PECAM1: variants seen among roughly 807,000 people sequenced by gnomAD.
PECAM1 encodes platelet and endothelial cell adhesion molecule 1, also known as platelet endothelial cell adhesion molecule.
A neutral mutation model predicts 13.8 loss-of-function variants in PECAM1; 8 were observed. The ratio of observed to expected loss-of-function variants is 0.58; its 90% CI spans 0.34 to 1.05. The LOEUF (loss-of-function observed/expected upper bound fraction) is 1.05. PECAM1 is among the 50% of genes least tolerant of loss of function. PECAM1 has a pLI of 0.03. For missense variants in PECAM1, 304 were observed against 141.2 expected (o/e 2.15, Z -5.84); for synonymous variants, 136 against 52.6 (o/e 2.58, Z -6.86).
rs1261946737 is a variant in PECAM1 at position 64,360,855 on chromosome 17, AG to A, written c.1217-441del. ...GTGTGTGTGTGTGTGTATTTGAGAC[AG>A]GGTCTCACTCTATTACCCAGGCTGG... is the stretch of plus-strand genomic sequence containing the variant. On this transcript the variant is annotated intron_variant, in intron 6 of 15. Transcript: ENST00000563924. 3.0e-5 allele frequency among the ~76,000 whole-genome samples: 4 copies of A among 132,438 alleles called. No homozygotes were observed. The East Asian group carries it at 9.8e-4, about 33-fold the overall frequency. The allele number at this position is 132,438 out of a possible 152,430, so 86.9% of individuals were successfully genotyped here. A position where few individuals can be genotyped will look rare whatever the true frequency, so the allele number is the denominator to read the frequency against.
chr17:64,322,348 T>C lies in PECAM1; in HGVS notation c.*1468A>G. ...TTGCAGTGAGCAGAGGTTGCGCCGC[T>C]GCAGTCCAGCCCGGGCAACAAGAGC... On this transcript the variant is annotated 3_prime_UTR_variant, in exon 16 of 16. Transcript: ENST00000563924. The C allele has an allele frequency of 1.1e-6, 1 of 903,838 alleles. No individual in the cohort carries two copies. The highest frequency in any genetic ancestry group is 1.3e-6 in the Non-Finnish European group (1 of 754,896). 56.0% of individuals were successfully genotyped at this position (903,838 alleles called of 1,614,324 possible). A position where few individuals can be genotyped will look rare whatever the true frequency, so the allele number is the denominator to read the frequency against.
intron 14 of PECAM1, among the ~76,000 whole-genome samples, chr17:64,332,925 G>A (rs979165917): frequency 1.3e-5 from 2 of 152,162 alleles, no homozygotes; most frequent in African/African-American, 2.4e-5. Flanking sequence ...GACCAAGGCC[G>A]GTGGATCACT....
chr17:64,359,463 G>C (rs1194440436), intron 7 of PECAM1, among the ~76,000 whole-genome samples: 4 of 152,222 alleles, frequency 2.6e-5, no homozygotes, highest in South Asian at 4.2e-4. Context: ...CACAAGGCAG[G>C]GTTGCCCGGC....
chr17:64,371,400 G>A (rs1370220654), intron 4 of PECAM1, among the ~76,000 whole-genome samples: 4 of 152,094 alleles, frequency 2.6e-5, no homozygotes, highest in Non-Finnish European at 4.4e-5. Flanking sequence ...AGCTAGGGGC[G>A]GTGGCTCACG....
At position 64,321,434 on chromosome 17, in the gene PECAM1, A is replaced by C. The variant is rs2034809340; in HGVS notation, c.*2382T>G. On this transcript the variant is annotated 3_prime_UTR_variant, in exon 16 of 16. Transcript: ENST00000563924. ...CATGAAGTTTCCTCCTCGGAAATAT[A>C]GGCAGAAGGGAAAGTAATTTTAAAC... 1.0e-6 allele frequency: 1 copy of C among 986,738 alleles called. No homozygotes were observed. Among genetic ancestry groups the C allele is most frequent in the East Asian group, 1.1e-4 (1 of 8,836 alleles). 61.1% of individuals were successfully genotyped at this position (986,738 alleles called of 1,614,324 possible). A position where few individuals can be genotyped will look rare whatever the true frequency, so the allele number is the denominator to read the frequency against.
At chr17:64,357,890 C>T (rs1315954993) in intron 7 of PECAM1, among the ~76,000 whole-genome samples, 1 of 152,180 alleles carries the variant, frequency 6.6e-6, no homozygotes, top group African/African-American at 2.4e-5. Context: ...CATGCCTGCT[C>T]CCTGACCCAG....
chr17:64,375,446 C>A, intron 3 of PECAM1, 90 bp from the exon 4 acceptor site: 1 of 399,186 alleles, frequency 2.5e-6, no homozygotes, highest in South Asian at 1.3e-4. Flanking sequence ...AAGCCTCCCT[C>A]CGCTGAGTGA....
At position 64,319,921 on chromosome 17, in the gene PECAM1, A is replaced by G. The variant is rs1470241209; in HGVS notation, c.*3895T>C. Reference sequence around the variant, plus strand: ...ATTATTTTACAGAGACAGTTTAACAACCACCTGACCATCACCTGATGGTAG... The same window carrying G: ...ATTATTTTACAGAGACAGTTTAACAGCCACCTGACCATCACCTGATGGTAG... On this transcript the variant is annotated 3_prime_UTR_variant, in exon 16 of 16. Transcript: ENST00000563924. The G allele has an allele frequency of 6.6e-6, 1 of 152,018 alleles. No homozygotes were observed. The highest frequency in any genetic ancestry group is 1.5e-5 in the Non-Finnish European group (1 of 67,998). 9.4% of individuals were successfully genotyped at this position (152,018 alleles called of 1,614,324 possible).
At chr17:64,373,418 T>C (rs1453244031) in intron 4 of PECAM1, among the ~76,000 whole-genome samples, 1 of 152,220 alleles carries the variant, frequency 6.6e-6, no homozygotes, top group African/African-American at 2.4e-5. Flanking sequence ...GAGATAGATC[T>C]ATATTTCTTC....
Position 64,321,757 on chromosome 17 carries a change from T to A in PECAM1, c.*2059A>T. ...GCCTGGGCAACAGAGCAAGCCCCTG[T>A]CTCAACAAAACAAAACAAAACAAAA... On this transcript the variant is annotated 3_prime_UTR_variant, in exon 16 of 16. Transcript: ENST00000563924. 7.8e-7 allele frequency: 1 copy of A among 1,281,156 alleles called. No individual in the cohort carries two copies. Among genetic ancestry groups the A allele is most frequent in the Admixed American group, 2.1e-5 (1 of 47,374 alleles). 79.4% of individuals were successfully genotyped at this position (1,281,156 alleles called of 1,614,324 possible). A position where few individuals can be genotyped will look rare whatever the true frequency, so the allele number is the denominator to read the frequency against.
chr17:64,374,052 C>A (rs1490243656), intron 4 of PECAM1, among the ~76,000 whole-genome samples: 1 of 152,142 alleles, frequency 6.6e-6, no homozygotes, highest in Non-Finnish European at 1.5e-5. Flanking sequence ...AACAGGAGGC[C>A]AAGGCTGAGG....
rs1177893053 is a variant in PECAM1, at chr17:64,353,905, G to T, written c.1889-387C>A. On this transcript the variant is annotated intron_variant, in intron 9 of 15. Coordinates refer to ENST00000563924, the MANE Select transcript of PECAM1 (RefSeq NM_000442.5). ...AGACAATGATATGGGAACCAGATTA[G>T]CCAGATAAGCAGGCAGCTCTCTTCC... 7.3e-5 allele frequency among the ~76,000 whole-genome samples: 11 copies of T among 150,742 alleles called. No individual in the cohort carries two copies. In the East Asian group the frequency reaches 7.8e-4, roughly 11 times the overall value.
Position 64,321,517 on chromosome 17 carries a change from C to T in PECAM1, c.*2299G>A. 2.2e-6 allele frequency: 2 copies of T among 892,392 alleles called. No homozygotes were observed. The highest frequency in any genetic ancestry group is 1.8e-5 in the African/African-American group (1 of 55,616). 55.3% of individuals were successfully genotyped at this position (892,392 alleles called of 1,614,324 possible). A position where few individuals can be genotyped will look rare whatever the true frequency, so the allele number is the denominator to read the frequency against. The stretch of plus-strand genomic sequence containing the variant: ...TCATGCCTGCAATCCCAGCACTTTG[C>T]GAGGCCAAGGAGGGAGGATCACTTG... On this transcript the variant is annotated 3_prime_UTR_variant, in exon 16 of 16. Coordinates refer to ENST00000563924, the MANE Select transcript of PECAM1 (RefSeq NM_000442.5).
chr17:64,355,868 G>A (rs2035834056), intron 8 of PECAM1, among the ~76,000 whole-genome samples: 6 of 152,158 alleles, frequency 3.9e-5, no homozygotes, highest in Admixed American at 3.9e-4. Flanking sequence ...TGGTGAGTCT[G>A]CCAACAATTT....
intron 2 of PECAM1, among the ~76,000 whole-genome samples, chr17:64,382,760 G>A (rs2036508870): frequency 6.6e-6 from 1 of 151,896 alleles, no homozygotes; most frequent in African/African-American, 2.4e-5. Flanking sequence ...TTTAAGGCTG[G>A]GCGTGGTGGC....
rs1389672572 is a variant in PECAM1, at chr17:64,325,517, CCT to C, written c.2188-1674_2188-1673del. Among the ~76,000 whole-genome samples, 3 of 152,202 alleles carry C rather than the reference CCT, an allele frequency of 2.0e-5. No individual in the cohort carries two copies. The East Asian group carries it at 5.8e-4, about 29-fold the overall frequency. ...TTGGGAGGCCAAGGTGGGTGGATCC[CCT>C]GAGTTTAGGAGTTCCAGAACAGCCT... On this transcript the variant is annotated intron_variant, in intron 15 of 15. Transcript: ENST00000563924.
Position 64,322,010 on chromosome 17 carries a change from C to T in PECAM1, c.*1806G>A, listed in dbSNP as rs2034819140. 1.1e-5 allele frequency: 13 copies of T among 1,231,242 alleles called. No homozygotes were observed. The highest frequency in any genetic ancestry group is 1.4e-5 in the South Asian group (1 of 73,830). 76.3% of individuals were successfully genotyped at this position (1,231,242 alleles called of 1,614,324 possible). On this transcript the variant is annotated 3_prime_UTR_variant, in exon 16 of 16. Transcript: ENST00000563924. ...CTCAGAAAACCTGGAAATTGTATGA[C>T]ATTTTCGTGATACAACTCGGTGTGT...
At chr17:64,349,782 G>A (rs2606975) in intron 12 of PECAM1, among the ~76,000 whole-genome samples, 57,295 of 151,432 alleles carry the variant, frequency 0.38, 12,633 homozygotes, top group Non-Finnish European at 0.49. Flanking sequence ...TTACTTGGGA[G>A]GCTGAGGCAG....
In PECAM1 at chr17:64,322,143, C is replaced by G. The variant is rs2034821632; in HGVS notation, c.*1673G>C. On this transcript the variant is annotated 3_prime_UTR_variant, in exon 16 of 16. Coordinates refer to ENST00000563924, the MANE Select transcript of PECAM1 (RefSeq NM_000442.5). The stretch of plus-strand genomic sequence containing the variant: ...CCAACCCAAAGGCCTGTGGAGCACA[C>G]ATGAGGACAAGGCGGGCAGATCACC... 1.0e-6 allele frequency: 1 copy of G among 967,698 alleles called. No individual in the cohort carries two copies. Among genetic ancestry groups the G allele is most frequent in the African/African-American group, 1.8e-5 (1 of 56,828 alleles). The allele number at this position is 967,698 out of a possible 1,614,324, so 59.9% of individuals were successfully genotyped here. A position where few individuals can be genotyped will look rare whatever the true frequency, so the allele number is the denominator to read the frequency against.
Sources: gnomAD v4.1 joint callset for allele counts (sites outside exome capture counted in the v4.1 genomes callset) on GRCh38, gnomAD v4.1.1 for gene constraint, MANE v1.5 for transcripts, NCBI Gene and HGNC (gene_info 2026-07-23, HGNC 2026-07-21) for gene names.